The following RORC variants were observed in gnomAD, a reference collection of about 807,000 sequenced individuals.
RORC encodes the protein nuclear receptor ROR-gamma.
RORC carries 13 observed loss-of-function variants against 64.5 expected under a neutral mutation model. That is an observed-to-expected ratio of 0.20 (90% CI 0.13 to 0.32). The LOEUF (loss-of-function observed/expected upper bound fraction) is 0.32. Ranked by LOEUF, RORC falls within the 10% of genes least tolerant of loss-of-function variation. The pLI is 1.00. For synonymous variants in RORC, 277 were observed against 259.3 expected, an observed-to-expected ratio of 1.07 and a Z score of -0.65; for missense variants, 468 against 669.5, an observed-to-expected ratio of 0.70 and a Z score of 3.32.
intron 8 of RORC, 64 bp downstream of exon 8, chr1:151,813,175 G>A (rs1198867715): frequency 1.3e-6 from 2 of 1,528,442 alleles, no homozygotes; most frequent in East Asian, 2.3e-5. Flanking sequence ...GGGTGCCCTG[G>A]GTCACAAAGC....
intron 9 of RORC, chr1:151,812,107 T>C (rs1437962050): frequency 6.6e-6 from 1 of 152,196 alleles, no homozygotes; most frequent in African/African-American, 2.4e-5. Context: ...ATTATAGGCA[T>C]ACAGCCTTAA....
chr1:151,809,991 T>C (rs988023483), intron 10 of RORC, among the ~76,000 whole-genome samples: 3 of 152,172 alleles, frequency 2.0e-5, no homozygotes, highest in African/African-American at 4.8e-5. Context: ...AGGCTGATCA[T>C]CTGGTGCTCT....
In RORC at chr1:151,815,307, T is replaced by C; in HGVS notation, c.417A>G (p.Ala139=). 1 of 1,608,330 alleles carries C rather than the reference T, an allele frequency of 6.2e-7. No homozygotes were observed. The highest frequency in any genetic ancestry group is 8.5e-7 in the Non-Finnish European group (1 of 1,176,460). The change falls in exon 5 of 11, where the codon GCA becomes GCG. Residue 139 remains alanine (A), a synonymous_variant. Transcript: ENST00000318247. ...TGAGGGTATCTGCTCCTTGGGCCCC[T>C]GCTGGAGGGGTCTTGACCACTGGTT... The part of the protein sequence containing the change: ...QQEPVVKTPP[A]GAQGADTLTY...
chr1:151,813,700 A>G, intron 6 of RORC, 80 bp from the exon 7 acceptor site: 1 of 1,515,708 alleles, frequency 6.6e-7, no homozygotes, highest in South Asian at 1.2e-5. Context: ...CCCACCTAAT[A>G]AACTGCAAGG....
chr1:151,811,501 G>A (rs1462436415), intron 9 of RORC, 67 bp from the exon 10 acceptor site: 102 of 942,132 alleles, frequency 1.1e-4, no homozygotes, highest in Non-Finnish European at 3.4e-6. Context: ...CAACAAAAGG[G>A]TGTATCTTTG....
At chr1:151,824,490 G>A (rs1340252954) in intron 2 of RORC, among the ~76,000 whole-genome samples, 2 of 152,202 alleles carry the variant, frequency 1.3e-5, no homozygotes, top group Non-Finnish European at 2.9e-5. Flanking sequence ...AAGCTAGAAG[G>A]GAAACGGAAG....
chr1:151,830,659 C>CACACACACACACACACACACACACAT lies in RORC; in HGVS notation c.40+1065_40+1066insATGTGTGTGTGTGTGTGTGTGTGTGT, dbSNP rs59443678. Among the ~76,000 whole-genome samples the CACACACACACACACACACACACACAT allele has an allele frequency of 4.2e-3, 587 of 139,126 alleles. 26 individuals are homozygous for CACACACACACACACACACACACACAT. The highest frequency in any genetic ancestry group is 0.014 in the African/African-American group (539 of 37,500). 91.3% of individuals were successfully genotyped at this position (139,126 alleles called of 152,430 possible). A position where few individuals can be genotyped will look rare whatever the true frequency, so the allele number is the denominator to read the frequency against. The stretch of plus-strand genomic sequence containing the variant: ...ACACACACACACACACACACACACA[C>CACACACACACACACACACACACACAT]ACAGTGCCCTTCTGCCCGGGAGATG... On this transcript the variant is annotated intron_variant, in intron 1 of 10. Coordinates refer to ENST00000318247, the MANE Select transcript of RORC (RefSeq NM_005060.4). The surrounding 1 kb of genome is among the most constrained non-coding windows in gnomAD (Gnocchi z 4.0).
At chr1:151,822,353 C>G (rs1016223657) in intron 2 of RORC, among the ~76,000 whole-genome samples, 1 of 152,310 alleles carries the variant, frequency 6.6e-6, no homozygotes, top group East Asian at 1.9e-4. Flanking sequence ...GCGAACACTA[C>G]CCCCAGCCCA....
At chr1:151,809,303 A>G (rs1651430330) in intron 10 of RORC, among the ~76,000 whole-genome samples, 1 of 152,150 alleles carries the variant, frequency 6.6e-6, no homozygotes, top group South Asian at 2.1e-4. Flanking sequence ...CTGAGGCAGG[A>G]CAATCGCTTG....
At position 151,814,528 on chromosome 1, in the gene RORC, G is replaced by A. The variant is rs115840594; in HGVS notation, c.933+46C>T. 3,972 of 1,579,384 alleles carry A rather than the reference G, an allele frequency of 2.5e-3. 83 individuals carry two copies. In the African/African-American group the frequency reaches 0.046, roughly 18 times the overall value. On this transcript the variant is annotated intron_variant, in intron 6 of 10. Transcript: ENST00000318247. ...CAGGTAGCCATCTCTGAACTCTCCCGGTGGGGGTGGGATACGTTCCCTTCC... is the reference window on the plus strand; with the variant it reads ...CAGGTAGCCATCTCTGAACTCTCCCAGTGGGGGTGGGATACGTTCCCTTCC...
rs368261468 is a variant in RORC at position 151,809,462 on chromosome 1, T to C, written c.1396-1829A>G. ...AAAAAACCACAGGAGTAGGGCATGA[T>C]GAGATTGCATTTTTAAAAGGGCTAC... On this transcript the variant is annotated intron_variant, in intron 10 of 10. Transcript: ENST00000318247. Among the ~76,000 whole-genome samples the C allele has an allele frequency of 5.3e-5, 8 of 151,802 alleles. No individual in the cohort carries two copies. The East Asian group carries it at 7.8e-4, about 15-fold the overall frequency.
At position 151,830,659 on chromosome 1, in the gene RORC, C is replaced by CAT. The variant is rs374673506; in HGVS notation, c.40+1065_40+1066insAT. Among the ~76,000 whole-genome samples the CAT allele has an allele frequency of 8.6e-4, 119 of 139,156 alleles. 6 individuals are homozygous for CAT. Among genetic ancestry groups the CAT allele is most frequent in the Middle Eastern group, 3.8e-3 (1 of 260 alleles). The allele number at this position is 139,156 out of a possible 152,430, so 91.3% of individuals were successfully genotyped here. A position where few individuals can be genotyped will look rare whatever the true frequency, so the allele number is the denominator to read the frequency against. On this transcript the variant is annotated intron_variant, in intron 1 of 10. Coordinates refer to ENST00000318247, the MANE Select transcript of RORC (RefSeq NM_005060.4). This position sits in a 1 kb window ranked among gnomAD's most constrained non-coding sequence, Gnocchi z 4.0. ...ACACACACACACACACACACACACACACAGTGCCCTTCTGCCCGGGAGATG... is the reference window on the plus strand; with the variant it reads ...ACACACACACACACACACACACACACATACAGTGCCCTTCTGCCCGGGAGATG...
rs1652383391 is a variant in RORC, at chr1:151,830,825, C to T, written c.40+900G>A. 9 of 649,968 alleles carry T rather than the reference C, an allele frequency of 1.4e-5. No individual in the cohort carries two copies. The South Asian group carries it at 1.5e-4, about 11-fold the overall frequency. 40.3% of individuals were successfully genotyped at this position (649,968 alleles called of 1,614,324 possible). On this transcript the variant is annotated intron_variant, in intron 1 of 10. Coordinates refer to ENST00000318247, the MANE Select transcript of RORC (RefSeq NM_005060.4). This position sits in a 1 kb window ranked among gnomAD's most constrained non-coding sequence, Gnocchi z 4.0. ...CAGCCCCGCCCACCTCCCCTTGCTCCTGCCTGGCCCCACCCAGCTTCCTCC... is the reference window on the plus strand; with the variant it reads ...CAGCCCCGCCCACCTCCCCTTGCTCTTGCCTGGCCCCACCCAGCTTCCTCC...
chr1:151,820,034 C>T (rs59935023), intron 2 of RORC, among the ~76,000 whole-genome samples: 5,466 of 152,178 alleles, frequency 0.036, 336 homozygotes, highest in African/African-American at 0.13. Flanking sequence ...GATGGAGAGA[C>T]GGCTGCGGAA....
chr1:151,824,812 G>A (rs1652126866), intron 2 of RORC, among the ~76,000 whole-genome samples: 1 of 152,178 alleles, frequency 6.6e-6, no homozygotes, highest in Non-Finnish European at 1.5e-5. Flanking sequence ...GTAGACCAGG[G>A]CCCAGTGACT....
intron 2 of RORC, among the ~76,000 whole-genome samples, chr1:151,823,815 A>C (rs1005867885): frequency 2.0e-5 from 3 of 152,148 alleles, no homozygotes; most frequent in South Asian, 2.1e-4. Flanking sequence ...GAATTAAAAA[A>C]AACTTTTTTT....
chr1:151,829,351 C>A (rs761321717), intron 2 of RORC, 78 bp downstream of exon 2: 51 of 1,366,572 alleles, frequency 3.7e-5, no homozygotes, highest in Non-Finnish European at 4.8e-5. Flanking sequence ...AACCTCAGTC[C>A]CCCCACAGAT....
chr1:151,829,417 C>G lies in RORC; in HGVS notation c.70+12G>C, dbSNP rs762818510. 6.5e-7 allele frequency: 1 copy of G among 1,537,262 alleles called. No homozygotes were observed. Among genetic ancestry groups the G allele is most frequent in the Non-Finnish European group, 8.7e-7 (1 of 1,149,490 alleles). The stretch of plus-strand genomic sequence containing the variant: ...GCCCCAGCCATTTTCTTGCCCCGGA[C>G]CCCCTACTCACAGGTGTGGGTCTTC... On this transcript the variant is annotated intron_variant, in intron 2 of 10. Transcript: ENST00000318247.
chr1:151,825,674 C>T (rs1006920880), intron 2 of RORC, among the ~76,000 whole-genome samples: 3 of 152,142 alleles, frequency 2.0e-5, no homozygotes, highest in African/African-American at 7.2e-5. Flanking sequence ...GCCTGGATAC[C>T]TCAGATACTT....
Sources: allele counts gnomAD v4.1 joint callset (sites outside exome capture counted in the v4.1 genomes callset), GRCh38; gene constraint gnomAD v4.1.1; non-coding constraint Gnocchi (gnomAD v3.1); transcripts MANE v1.5; gene names NCBI Gene and HGNC (gene_info 2026-07-23, HGNC 2026-07-21).